Variants in GYG1 observed in about 807,000 individuals in gnomAD.
GYG1 encodes the protein glycogenin 1.
A neutral mutation model predicts 41.9 loss-of-function variants in GYG1; 44 were observed. That is an observed-to-expected ratio of 1.05 (90% CI 0.83 to 1.35). The LOEUF is 1.35. Ranked by LOEUF, GYG1 falls within the 40% of genes most tolerant of loss-of-function variation. The probability of loss-of-function intolerance (pLI) is 0.00; values close to 1 mark genes in which losing one functional copy is unlikely to be tolerated. For missense variants in GYG1, 429 were observed against 418.9 expected (o/e 1.02, Z -0.21); for synonymous variants, 141 against 158.1 (o/e 0.89, Z 0.81).
At chr3:149,016,453 T>A (rs1262631334) in intron 5 of GYG1, among the ~76,000 whole-genome samples, 1 of 152,042 alleles carries the variant, frequency 6.6e-6, no homozygotes, top group Non-Finnish European at 1.5e-5. Flanking sequence ...GTCTCCCTAG[T>A]GGCCTGGTGT....
intron 5 of GYG1, among the ~76,000 whole-genome samples, chr3:149,023,041 G>C (rs1287101556): frequency 6.6e-6 from 1 of 152,126 alleles, no homozygotes; most frequent in Non-Finnish European, 1.5e-5. Flanking sequence ...ATGTTGGTGG[G>C]TTGGCTAGGA....
intron 4 of GYG1, 88 bp from the exon 5 acceptor site, chr3:149,009,188 T>C: frequency 2.9e-6 from 3 of 1,023,894 alleles, no homozygotes; most frequent in Non-Finnish European, 4.4e-6. Flanking sequence ...AATTAGTGTC[T>C]ATTTTTAAAG....
chr3:149,004,446 A>AT lies in GYG1; in HGVS notation c.482-4825dup, dbSNP rs1368083367. On this transcript the variant is annotated intron_variant, in intron 4 of 7. Transcript: ENST00000345003. ...CTTTGAACTGTCCTATCATTTAAAG[A>AT]TTTTTCTAAAGAGAGGATATTGGTA... Among the ~76,000 whole-genome samples the AT allele has an allele frequency of 2.0e-5, 3 of 152,270 alleles. No individual in the cohort carries two copies. The East Asian group carries it at 5.8e-4, about 29-fold the overall frequency.
In GYG1 at chr3:148,993,146, A is replaced by T. The variant is rs868200825; in HGVS notation, c.8-996A>T. ...ACTTGCTAATGTTTCTTGGAGATGGAACATGGCCCAGAATTGTCCCAGGGA... is the reference window on the plus strand; with the variant it reads ...ACTTGCTAATGTTTCTTGGAGATGGTACATGGCCCAGAATTGTCCCAGGGA... On this transcript the variant is annotated intron_variant, in intron 1 of 7. Transcript: ENST00000345003. 2.0e-5 allele frequency among the ~76,000 whole-genome samples: 3 copies of T among 152,110 alleles called. No individual in the cohort carries two copies. The South Asian group carries it at 6.2e-4, about 32-fold the overall frequency.
intron 5 of GYG1, among the ~76,000 whole-genome samples, chr3:149,013,175 A>G (rs2107907871): frequency 1.3e-5 from 2 of 152,242 alleles, no homozygotes; most frequent in Middle Eastern, 3.4e-3. Context: ...TATTAATAAT[A>G]TTTTTGAAAG....
At position 149,030,021 on chromosome 3, in the gene GYG1, CT is replaced by C. The variant is rs1482468917; in HGVS notation, c.*3090del. 6.6e-6 allele frequency: 1 copy of C among 152,110 alleles called. No individual in the cohort carries two copies. The highest frequency in any genetic ancestry group is 2.4e-5 in the African/African-American group (1 of 41,442). 9.4% of individuals were successfully genotyped at this position (152,110 alleles called of 1,614,324 possible). On this transcript the variant is annotated 3_prime_UTR_variant, in exon 8 of 8. Coordinates refer to ENST00000345003, the MANE Select transcript of GYG1 (RefSeq NM_004130.4). ...GAGGACATTATTCTGTTACAGTAAT[CT>C]TCATGTACTCTCAAAAAAATGTAAC...
chr3:148,991,806 G>A (rs920210089), intron 1 of GYG1, among the ~76,000 whole-genome samples, 159 bp downstream of exon 1: 12 of 152,162 alleles, frequency 7.9e-5, no homozygotes, highest in African/African-American at 2.7e-4. Context: ...TTCTGCCTGC[G>A]TCAGCTGCCG....
chr3:149,016,991 T>C (rs1714087618), intron 5 of GYG1, among the ~76,000 whole-genome samples: 1 of 152,154 alleles, frequency 6.6e-6, no homozygotes, highest in African/African-American at 2.4e-5. Context: ...AGCAGTGCCG[T>C]CTTTCTCGGT....
At chr3:149,026,612 G>T in intron 7 of GYG1, 110 bp downstream of exon 7, 1 of 1,007,738 alleles carries the variant, frequency 9.9e-7, no homozygotes. Context: ...ATATTTTTGT[G>T]TCTTTTTTGT....
At chr3:149,009,033 C>A (rs1237737965) in intron 4 of GYG1, 1 of 436,622 alleles carries the variant, frequency 2.3e-6, no homozygotes, top group Non-Finnish European at 4.1e-6. Flanking sequence ...GTGGCATGCA[C>A]CTGTAGTCCC....
At chr3:149,011,934 C>T (rs1713755855) in intron 5 of GYG1, among the ~76,000 whole-genome samples, 1 of 152,128 alleles carries the variant, frequency 6.6e-6, no homozygotes, top group Non-Finnish European at 1.5e-5. Flanking sequence ...GTCAGCTCTA[C>T]GTTTCTGTGA....
chr3:148,997,877 T>G (rs1712897682), intron 4 of GYG1, among the ~76,000 whole-genome samples: 1 of 152,232 alleles, frequency 6.6e-6, no homozygotes, highest in African/African-American at 2.4e-5. Context: ...AGCGGGGACT[T>G]CTTTCCTCCT....
chr3:148,992,198 C>T (rs1182049479), intron 1 of GYG1, among the ~76,000 whole-genome samples: 1 of 152,276 alleles, frequency 6.6e-6, no homozygotes, highest in Non-Finnish European at 1.5e-5. Flanking sequence ...GGGAGTCGGA[C>T]TAGCGTCCCC....
chr3:149,026,584 G>GA (rs937094378), intron 7 of GYG1, 82 bp downstream of exon 7: 14 of 1,058,014 alleles, frequency 1.3e-5, no homozygotes, highest in African/African-American at 6.3e-5. Flanking sequence ...ATTTTGTTAG[G>GA]AAAAAATCAT....
intron 5 of GYG1, among the ~76,000 whole-genome samples, chr3:149,016,940 G>C (rs1019843429): frequency 6.6e-6 from 1 of 152,186 alleles, no homozygotes; most frequent in African/African-American, 2.4e-5. Flanking sequence ...GCAAGAGGAT[G>C]CTTGACATTG....
intron 4 of GYG1, among the ~76,000 whole-genome samples, chr3:148,997,865 A>G (rs1712897154): frequency 6.6e-6 from 1 of 152,228 alleles, no homozygotes; most frequent in African/African-American, 2.4e-5. Flanking sequence ...TGCTGGAGAC[A>G]CAGCGGGGAC....
chr3:149,004,708 C>G (rs926175809), intron 4 of GYG1, among the ~76,000 whole-genome samples: 2 of 152,140 alleles, frequency 1.3e-5, no homozygotes, highest in African/African-American at 4.8e-5. Flanking sequence ...CTGTGTTGTC[C>G]CCTCTGGAGC....
chr3:148,994,411 G>A (rs1712674023), intron 2 of GYG1, 134 bp downstream of exon 2: 2 of 933,454 alleles, frequency 2.1e-6, no homozygotes, highest in African/African-American at 1.6e-5. Flanking sequence ...GAGATGCTGA[G>A]TGCAGGATTG....
chr3:149,004,475 CCATA>C (rs1421548986), intron 4 of GYG1, among the ~76,000 whole-genome samples: 1 of 152,136 alleles, frequency 6.6e-6, no homozygotes, highest in Non-Finnish European at 1.5e-5. Flanking sequence ...ATTGGTAACA[CCATA>C]CATAGATTTT....
Sources: gnomAD v4.1 joint callset for allele counts (sites outside exome capture counted in the v4.1 genomes callset) on GRCh38, gnomAD v4.1.1 for gene constraint, MANE v1.5 for transcripts, NCBI Gene and HGNC (gene_info 2026-07-23, HGNC 2026-07-21) for gene names.